Variants in AZIN2 observed in about 807,000 individuals in gnomAD.
AZIN2 encodes antizyme inhibitor 2, also known as ODC antizyme inhibitor-2.
Under a neutral mutation model 47.8 loss-of-function variants are expected in AZIN2, and 28 were observed. That is an observed-to-expected ratio of 0.59 (90% CI 0.43 to 0.80). The LOEUF (loss-of-function observed/expected upper bound fraction) is 0.80. AZIN2 is among the 30% of genes least tolerant of loss of function. The pLI is 0.00. For missense variants in AZIN2, 535 were observed against 582.5 expected (o/e 0.92, Z 0.84); for synonymous variants, 221 against 239.4 (o/e 0.92, Z 0.71).
chr1:33,162,139 G>A, the AZIN2 span, among the ~76,000 whole-genome samples: 9 of 152,148 alleles, frequency 5.9e-5, no homozygotes, highest in African/African-American at 2.2e-4. Flanking sequence ...TCCTTCTAAA[G>A]TGCCAACTGA....
chr1:33,096,572 G>A (rs958963572), intron 8 of AZIN2, 135 bp from the exon 9 acceptor site: 3 of 1,079,214 alleles, frequency 2.8e-6, no homozygotes, highest in Admixed American at 2.1e-5. Flanking sequence ...TATCAGCTGG[G>A]GCCTTAGCAG....
chr1:33,147,236 GGCCAGGGCT>G, the AZIN2 span: 6 of 1,613,944 alleles, frequency 3.7e-6, no homozygotes, highest in Non-Finnish European at 4.2e-6. The surrounding 1 kb of genome is among the most constrained non-coding windows in gnomAD (Gnocchi z 8.1). Context: ...GCGTGGCTCT[GGCCAGGGCT>G]GAAGTAAGAG....
At chr1:33,082,384 C>G in intron 4 of AZIN2, 30 bp downstream of exon 4, 1 of 1,566,554 alleles carries the variant, frequency 6.4e-7, no homozygotes, top group East Asian at 2.3e-5. Flanking sequence ...GGTGGGTCCC[C>G]GGTCCCCTGT....
At chr1:33,146,045 A>G in the AZIN2 span, 1 of 377,346 alleles carries the variant, frequency 2.7e-6, no homozygotes, top group Admixed American at 3.4e-5. Context: ...TGCAGTCAGC[A>G]GCTTTCTGGC....
chr1:33,088,237 G>A (rs1338366082), intron 5 of AZIN2, among the ~76,000 whole-genome samples: 2 of 152,146 alleles, frequency 1.3e-5, no homozygotes, highest in Non-Finnish European at 2.9e-5. Flanking sequence ...ATGTGCTCCT[G>A]ATGTCCCCTT....
chr1:33,093,432 C>T lies in AZIN2; in HGVS notation c.587+16C>T, dbSNP rs751599825. On this transcript the variant is annotated intron_variant, in intron 7 of 11. Transcript: ENST00000294517. ...TGGGTGTGAGGTGAGCACTGGGAAC[C>T]CCTGCCATCCCCTCCCACACCAGGC... 27 of 1,610,100 alleles carry T rather than the reference C, an allele frequency of 1.7e-5. 1 individual carries two copies. The South Asian group carries it at 2.8e-4, about 16-fold the overall frequency.
chr1:33,138,282 G>A, the AZIN2 span, among the ~76,000 whole-genome samples: 3 of 152,250 alleles, frequency 2.0e-5, no homozygotes, highest in East Asian at 5.8e-4. Flanking sequence ...GACTAACATG[G>A]AATAACAATC....
intron 10 of AZIN2, among the ~76,000 whole-genome samples, chr1:33,105,465 G>A (rs1380591562): frequency 6.6e-6 from 1 of 152,206 alleles, no homozygotes; most frequent in Non-Finnish European, 1.5e-5. Context: ...AATTGACACA[G>A]TTCTGCATGG....
chr1:33,114,585 C>G (rs1644444801), intron 10 of AZIN2, among the ~76,000 whole-genome samples: 1 of 151,338 alleles, frequency 6.6e-6, no homozygotes, highest in South Asian at 2.1e-4. Flanking sequence ...GATTTCCTGA[C>G]CTCGTGATCC....
the AZIN2 span, chr1:33,143,034 G>T: frequency 3.3e-5 from 5 of 152,234 alleles, no homozygotes; most frequent in Non-Finnish European, 5.9e-5. Flanking sequence ...TCTGTCCTGG[G>T]TAAGGGCTTT....
chr1:33,118,711 G>C (rs558768784), intron 11 of AZIN2: 17 of 152,554 alleles, frequency 1.1e-4, no homozygotes, highest in African/African-American at 4.1e-4. Context: ...GCTGCTGTGT[G>C]ACACAGGAGA....
At chr1:33,148,040 C>A in the AZIN2 span, among the ~76,000 whole-genome samples, 1 of 152,136 alleles carries the variant, frequency 6.6e-6, no homozygotes, top group East Asian at 1.9e-4. Flanking sequence ...AGAATGAGGC[C>A]TAGAATTGGG....
At chr1:33,111,700 C>T (rs1644296092) in intron 10 of AZIN2, among the ~76,000 whole-genome samples, 1 of 151,862 alleles carries the variant, frequency 6.6e-6, no homozygotes, top group Non-Finnish European at 1.5e-5. Context: ...CTCCCAGGTC[C>T]AAGCAATTCT....
chr1:33,157,315 T>C, the AZIN2 span, among the ~76,000 whole-genome samples: 1 of 152,182 alleles, frequency 6.6e-6, no homozygotes, highest in Non-Finnish European at 1.5e-5. Flanking sequence ...TGAGATGTGC[T>C]CCTGCCTCAG....
intron 10 of AZIN2, among the ~76,000 whole-genome samples, chr1:33,101,129 T>C (rs911122563): frequency 2.0e-5 from 3 of 152,228 alleles, no homozygotes; most frequent in Non-Finnish European, 4.4e-5. Flanking sequence ...CCCAAAGTGC[T>C]GGGATTACAG....
chr1:33,087,210 C>T (rs1473530113), intron 5 of AZIN2, among the ~76,000 whole-genome samples: 7 of 150,230 alleles, frequency 4.7e-5, no homozygotes, highest in South Asian at 2.1e-4. Context: ...CTCGGCTCAC[C>T]GCAACCTCCA....
the AZIN2 span, among the ~76,000 whole-genome samples, chr1:33,157,236 T>C: frequency 1.3e-5 from 2 of 152,124 alleles, no homozygotes; most frequent in Non-Finnish European, 2.9e-5. Flanking sequence ...TCCTTCTCAC[T>C]CATCTCCCTC....
intron 7 of AZIN2, among the ~76,000 whole-genome samples, chr1:33,093,683 A>G (rs1204716207): frequency 6.6e-6 from 1 of 151,278 alleles, no homozygotes; most frequent in African/African-American, 2.4e-5. Flanking sequence ...TGTAGGACAA[A>G]GGTTTTGCAG....
At chr1:33,165,524 G>A in the AZIN2 span, 2 of 1,610,612 alleles carry the variant, frequency 1.2e-6, no homozygotes, top group Non-Finnish European at 1.7e-6. This position sits in a 1 kb window ranked among gnomAD's most constrained non-coding sequence, Gnocchi z 4.0. Context: ...GTGTGTTCCC[G>A]CTCGCTGTCT....
Sources: gnomAD v4.1 joint callset for allele counts (sites outside exome capture counted in the v4.1 genomes callset) on GRCh38, gnomAD v4.1.1 for gene constraint, Gnocchi (gnomAD v3.1) non-coding constraint, MANE v1.5 for transcripts, NCBI Gene and HGNC (gene_info 2026-07-23, HGNC 2026-07-21) for gene names.